The following TBCA variants were observed in gnomAD, a reference collection of about 807,000 sequenced individuals.
TBCA encodes tubulin-specific chaperone A.
A neutral mutation model predicts 15.8 loss-of-function variants in TBCA; 6 were observed. That is an observed-to-expected ratio of 0.38 (90% confidence interval 0.21 to 0.75). The LOEUF is 0.75. TBCA is among the 30% of genes least tolerant of loss of function. The probability of loss-of-function intolerance (pLI) is 0.46; values close to 1 mark genes in which losing one functional copy is unlikely to be tolerated. For synonymous variants in TBCA, 32 were observed against 42.3 expected (o/e 0.76, Z 0.94); for missense variants, 90 against 131.2 (o/e 0.69, Z 1.53).
intron 1 of TBCA, among the ~76,000 whole-genome samples, chr5:77,732,419 C>T (rs999761933): frequency 6.6e-6 from 1 of 151,650 alleles, no homozygotes; most frequent in African/African-American, 2.4e-5. Context: ...GGCGTGGTGA[C>T]GGGCGCCTGT....
intron 1 of TBCA, among the ~76,000 whole-genome samples, chr5:77,710,423 T>C (rs1006260946): frequency 6.6e-6 from 1 of 152,182 alleles, no homozygotes; most frequent in South Asian, 2.1e-4. Flanking sequence ...TCTAAAAAAG[T>C]TCCCTTTAAA....
chr5:77,742,441 T>C (rs996727841), intron 1 of TBCA, among the ~76,000 whole-genome samples: 24 of 152,180 alleles, frequency 1.6e-4, no homozygotes, highest in African/African-American at 5.8e-4. Flanking sequence ...ATTTTAAACT[T>C]TTATTCTACT....
chr5:77,747,020 T>A (rs548998675), intron 1 of TBCA, among the ~76,000 whole-genome samples: 1 of 152,230 alleles, frequency 6.6e-6, no homozygotes, highest in South Asian at 2.1e-4. Context: ...ATAAAAGTAA[T>A]GCACCTAAAC....
At chr5:77,725,747 C>A (rs979776839) in intron 1 of TBCA, among the ~76,000 whole-genome samples, 13 of 152,152 alleles carry the variant, frequency 8.5e-5, no homozygotes, top group African/African-American at 2.7e-4. Flanking sequence ...ATTTTAATAT[C>A]CTTCCATCAG....
intron 1 of TBCA, among the ~76,000 whole-genome samples, chr5:77,729,046 G>A (rs1199676339): frequency 6.6e-6 from 1 of 152,028 alleles, no homozygotes; most frequent in Non-Finnish European, 1.5e-5. Flanking sequence ...AAAAATTATG[G>A]CTCATGACTG....
At chr5:77,736,019 T>A (rs1746893337) in intron 1 of TBCA, among the ~76,000 whole-genome samples, 1 of 152,058 alleles carries the variant, frequency 6.6e-6, no homozygotes, top group Non-Finnish European at 1.5e-5. Context: ...CTATCAGAGA[T>A]CAAGTTGGTT....
intron 1 of TBCA, among the ~76,000 whole-genome samples, chr5:77,775,757 T>A (rs1251161080): frequency 1.3e-5 from 2 of 152,104 alleles, no homozygotes; most frequent in African/African-American, 4.8e-5. Context: ...GAGGCCCAGA[T>A]CCTCCGCATC....
chr5:77,755,717 A>C (rs1430347081), intron 1 of TBCA, among the ~76,000 whole-genome samples: 4 of 151,918 alleles, frequency 2.6e-5, no homozygotes, highest in African/African-American at 9.7e-5. Flanking sequence ...CATAAAACCA[A>C]ATAGGGGCCG....
At chr5:77,705,507 AT>A in intron 2 of TBCA, 1 of 398,446 alleles carries the variant, frequency 2.5e-6, no homozygotes, top group Non-Finnish European at 4.4e-6. Context: ...CCATATGTAA[AT>A]CCTTATGAAG....
At chr5:77,733,256 G>C (rs1746816624) in intron 1 of TBCA, among the ~76,000 whole-genome samples, 1 of 152,142 alleles carries the variant, frequency 6.6e-6, no homozygotes, top group East Asian at 1.9e-4. Flanking sequence ...ACTCCAGCCT[G>C]GGCAACAGAA....
intron 2 of TBCA, among the ~76,000 whole-genome samples, chr5:77,696,603 A>G (rs1000397896): frequency 6.6e-6 from 1 of 152,200 alleles, no homozygotes; most frequent in African/African-American, 2.4e-5. Flanking sequence ...GGATGGGAAA[A>G]TATATATAAT....
intron 2 of TBCA, among the ~76,000 whole-genome samples, chr5:77,700,620 A>C (rs985119571): frequency 2.0e-5 from 3 of 152,340 alleles, no homozygotes; most frequent in South Asian, 2.1e-4. Context: ...GTGGGAACAT[A>C]AAATAGTATA....
chr5:77,758,089 A>T (rs960569426), intron 1 of TBCA, among the ~76,000 whole-genome samples: 1 of 152,216 alleles, frequency 6.6e-6, no homozygotes, highest in Non-Finnish European at 1.5e-5. Context: ...AAGAGACCTG[A>T]GAGGGTAACC....
At chr5:77,692,153 T>C (rs946106730) in intron 3 of TBCA, 1 of 984,612 alleles carries the variant, frequency 1.0e-6, no homozygotes, top group Non-Finnish European at 1.2e-6. Flanking sequence ...ACACAGGAAA[T>C]TTTGTTTGAT....
chr5:77,728,975 T>C (rs1746695267), intron 1 of TBCA, among the ~76,000 whole-genome samples: 1 of 152,148 alleles, frequency 6.6e-6, no homozygotes, highest in Non-Finnish European at 1.5e-5. Context: ...GAGGCTGATA[T>C]ATTATAGTCG....
At chr5:77,713,902 G>T (rs1393430342) in intron 1 of TBCA, among the ~76,000 whole-genome samples, 1 of 122,106 alleles carries the variant, frequency 8.2e-6, no homozygotes, top group East Asian at 2.5e-4. Flanking sequence ...AGCAAGTAAA[G>T]ATTTTTTTTT....
intron 1 of TBCA, among the ~76,000 whole-genome samples, chr5:77,728,973 T>TTAA (rs578165493): frequency 1.1e-3 from 163 of 152,284 alleles, no homozygotes; most frequent in Non-Finnish European, 1.8e-3. Flanking sequence ...ATGAGGCTGA[T>TTAA]ATATTATAGT....
intron 2 of TBCA, 29 bp downstream of exon 2, chr5:77,708,213 A>T: frequency 1.4e-6 from 2 of 1,448,064 alleles, no homozygotes; most frequent in Non-Finnish European, 1.9e-6. Context: ...TGTAAATGTT[A>T]GCTATTGTTA....
rs551459529 is a variant in TBCA at position 77,752,715 on chromosome 5, C to T, written c.53+23490G>A. Among the ~76,000 whole-genome samples, 2 of 113,004 alleles carry T rather than the reference C, an allele frequency of 1.8e-5. 1 individual carries two copies. Among genetic ancestry groups the T allele is most frequent in the East Asian group, 5.9e-4 (2 of 3,390 alleles). 74.1% of individuals were successfully genotyped at this position (113,004 alleles called of 152,430 possible). On this transcript the variant is annotated intron_variant, in intron 1 of 3. Coordinates refer to ENST00000380377, the MANE Select transcript of TBCA (RefSeq NM_004607.3). ...CTGGGACTACAGGCGCCCGCCACCG[C>T]GCCCGGCTAATTTTTTGTATTTTTA...
Sources: gnomAD v4.1 joint callset for allele counts (sites outside exome capture counted in the v4.1 genomes callset) on GRCh38, gnomAD v4.1.1 for gene constraint, MANE v1.5 for transcripts, NCBI Gene and HGNC (gene_info 2026-07-23, HGNC 2026-07-21) for gene names.